MRTFB: variants seen among roughly 807,000 people sequenced by gnomAD.
MRTFB encodes myocardin related transcription factor B.
Under a neutral mutation model 104.2 loss-of-function variants are expected in MRTFB, and 29 were observed. The observed-to-expected ratio is 0.28, with a 90% confidence interval of 0.21 to 0.38. The LOEUF (loss-of-function observed/expected upper bound fraction) is 0.38. Among genes scored for constraint, MRTFB ranks in the 10% least tolerant of loss-of-function variants. The pLI, the probability that MRTFB is intolerant of heterozygous loss-of-function variation, is 1.00. For missense variants in MRTFB, 1,270 were observed against 1,341.6 expected (o/e 0.95, Z 0.83); for synonymous variants, 535 against 519.5 (o/e 1.03, Z -0.41).
In MRTFB at chr16:14,266,225, T is replaced by C. The variant is rs922473440; in HGVS notation, c.*4781T>C. ...TTCACTAAGATGTAGATATTTCTCT[T>C]ATTGTTTTCATGTAAAATAGTATAG... On this transcript the variant is annotated 3_prime_UTR_variant, in exon 17 of 17. Coordinates refer to ENST00000571589, the MANE Select transcript of MRTFB (RefSeq NM_001308142.2). 1 of 152,262 alleles carries C rather than the reference T, an allele frequency of 6.6e-6. No individual in the cohort carries two copies. Among genetic ancestry groups the C allele is most frequent in the Admixed American group, 6.5e-5 (1 of 15,286 alleles). 9.4% of individuals were successfully genotyped at this position (152,262 alleles called of 1,614,324 possible).
chr16:14,091,387 G>A (rs887540893), intron 2 of MRTFB, among the ~76,000 whole-genome samples: 2 of 152,160 alleles, frequency 1.3e-5, no homozygotes, highest in African/African-American at 4.8e-5. Flanking sequence ...CAATTTCAGG[G>A]ACCTCAGGGA....
chr16:13,996,877 A>G, the MRTFB span, among the ~76,000 whole-genome samples: 3 of 152,220 alleles, frequency 2.0e-5, no homozygotes, highest in Admixed American at 1.3e-4. Flanking sequence ...GCGTGGGGCC[A>G]TCCACACTCT....
At chr16:14,212,318 C>A in intron 4 of MRTFB, 36 bp from the exon 5 acceptor site, 1 of 1,600,274 alleles carries the variant, frequency 6.2e-7, no homozygotes, top group Non-Finnish European at 8.6e-7. Flanking sequence ...AGTATGAACT[C>A]TATTTATACT....
At chr16:14,200,736 G>A in intron 3 of MRTFB, 1 of 1,508,930 alleles carries the variant, frequency 6.6e-7, no homozygotes, top group Non-Finnish European at 9.2e-7. Flanking sequence ...GGAATCTTTT[G>A]GTTGGGACTT....
chr16:14,012,088 G>C, the MRTFB span, among the ~76,000 whole-genome samples: 3 of 152,098 alleles, frequency 2.0e-5, no homozygotes, highest in Non-Finnish European at 4.4e-5. Context: ...ATGGCTTAGA[G>C]TGCAGGCAGC....
intron 9 of MRTFB, 21 bp downstream of exon 9, chr16:14,234,304 C>G: frequency 3.1e-6 from 5 of 1,610,454 alleles, no homozygotes; most frequent in Non-Finnish European, 4.2e-6. Flanking sequence ...TGGATACACC[C>G]TGGGTTTGGT....
the MRTFB span, among the ~76,000 whole-genome samples, chr16:14,018,318 A>G: frequency 6.6e-6 from 1 of 152,208 alleles, no homozygotes; most frequent in African/African-American, 2.4e-5. Context: ...ATCTAACTTT[A>G]CAGGGTTGCA....
intron 13 of MRTFB, 99 bp from the exon 14 acceptor site, chr16:14,251,763 A>AT: frequency 7.7e-7 from 1 of 1,299,652 alleles, no homozygotes; most frequent in Non-Finnish European, 1.1e-6. Flanking sequence ...AGCCCTTTAC[A>AT]GAAAAAGTTT....
the MRTFB span, among the ~76,000 whole-genome samples, chr16:14,012,295 C>CTTTTTTTTTTTTTTTT: frequency 1.9e-5 from 2 of 107,922 alleles, 1 homozygote; most frequent in African/African-American, 8.6e-5. Flanking sequence ...CTTTTTCTTT[C>CTTTTTTTTTTTTTTTT]TTTCTTTTTT....
chr16:14,175,572 T>C (rs569370936), intron 3 of MRTFB, among the ~76,000 whole-genome samples: 1 of 152,306 alleles, frequency 6.6e-6, no homozygotes, highest in African/African-American at 2.4e-5. Flanking sequence ...AAACCACTGT[T>C]CCTTTAAAAA....
Position 14,261,657 on chromosome 16 carries a change from C to T in MRTFB, c.*213C>T, listed in dbSNP as rs1423063807. On this transcript the variant is annotated 3_prime_UTR_variant, in exon 17 of 17. Coordinates refer to ENST00000571589, the MANE Select transcript of MRTFB (RefSeq NM_001308142.2). ...TCTACAGTTTAACATAGCACAGGGC[C>T]TTCTGAAAATCGCACTTGTCAAAGA... The T allele has an allele frequency of 4.1e-6, 2 of 484,920 alleles. No homozygotes were observed. The highest frequency in any genetic ancestry group is 7.1e-6 in the Non-Finnish European group (2 of 281,444). 30.0% of individuals were successfully genotyped at this position (484,920 alleles called of 1,614,324 possible).
the MRTFB span, among the ~76,000 whole-genome samples, chr16:14,051,217 GAC>G: frequency 6.6e-6 from 1 of 151,076 alleles, no homozygotes; most frequent in Admixed American, 6.6e-5. Flanking sequence ...GACACACAAA[GAC>G]ACACACAGAC....
At chr16:14,198,420 T>C (rs560506211) in intron 3 of MRTFB, among the ~76,000 whole-genome samples, 59 of 152,380 alleles carry the variant, frequency 3.9e-4, no homozygotes, top group African/African-American at 1.4e-3. Flanking sequence ...GGAAAGACTT[T>C]AGAAAGAACT....
chr16:14,245,611 C>A lies in MRTFB; in HGVS notation c.1163C>A (p.Thr388Asn), dbSNP rs2042978419. The A allele has an allele frequency of 3.1e-6, 5 of 1,613,980 alleles. No homozygotes were observed. Among genetic ancestry groups the A allele is most frequent in the African/African-American group, 1.3e-5 (1 of 74,924 alleles). Reference protein sequence around the residue: ...TPNTPRQNTSTPVRKPGPLPS... With the variant: ...TPNTPRQNTSNPVRKPGPLPS... ...AACACACCAAGACAGAATACATCTA[C>A]TCCTGTGAGAAAGCCAGGACCTCTG... Residue 388 changes from threonine to asparagine, a missense_variant, in exon 11 of 17, where the codon ACT becomes AAT. Physicochemically the swap from Thr to Asn is moderately conservative, Grantham distance 65 (BLOSUM62 0). This residue lies in a region of MRTFB where 1,144 missense variants were observed against 1,131.5 expected (regional missense o/e 1.01). Coordinates refer to ENST00000571589, the MANE Select transcript of MRTFB (RefSeq NM_001308142.2).
chr16:14,084,123 G>A (rs997661698), intron 2 of MRTFB, among the ~76,000 whole-genome samples: 2 of 152,086 alleles, frequency 1.3e-5, no homozygotes, highest in East Asian at 1.9e-4. Context: ...TATTGCCTTC[G>A]TTAACTCATT....
chr16:14,039,990 T>C, the MRTFB span, among the ~76,000 whole-genome samples: 135,583 of 152,100 alleles, frequency 0.89, 60,602 homozygotes, highest in East Asian at 0.99. Flanking sequence ...TCAGGTGATC[T>C]GCCCACCTTG....
chr16:14,130,620 T>G (rs2037390021), intron 2 of MRTFB, among the ~76,000 whole-genome samples: 1 of 152,260 alleles, frequency 6.6e-6, no homozygotes, highest in East Asian at 1.9e-4. Context: ...TCATTTTGAT[T>G]GGTGAAACCA....
intron 2 of MRTFB, among the ~76,000 whole-genome samples, chr16:14,133,575 T>C (rs2037553014): frequency 6.6e-6 from 1 of 152,216 alleles, no homozygotes; most frequent in African/African-American, 2.4e-5. Context: ...ATTCCCTTTC[T>C]CTTTCCCTTT....
intron 9 of MRTFB, among the ~76,000 whole-genome samples, chr16:14,235,639 A>T (rs1454943437): frequency 6.6e-6 from 1 of 152,164 alleles, no homozygotes. Flanking sequence ...AACAGACCAG[A>T]ATTCTTCCAG....
Sources: gnomAD v4.1 joint callset for allele counts (sites outside exome capture counted in the v4.1 genomes callset) on GRCh38, gnomAD v4.1.1 for gene constraint, gnomAD v4.1.1 regional missense constraint, MANE v1.5 for transcripts, NCBI Gene and HGNC (gene_info 2026-07-23, HGNC 2026-07-21) for gene names.